NLGN1: variants seen among roughly 807,000 people sequenced by gnomAD.
NLGN1 encodes the protein neuroligin 1.
NLGN1 carries 12 observed loss-of-function variants against 65.5 expected under a neutral mutation model. That is an observed-to-expected ratio of 0.18 (90% confidence interval 0.12 to 0.30). NLGN1 has a LOEUF of 0.30. Ranked by LOEUF, NLGN1 falls within the 10% of genes least tolerant of loss-of-function variation. The pLI is 1.00. For synonymous variants in NLGN1, 350 were observed against 359.5 expected (o/e 0.97, Z 0.30); for missense variants, 750 against 1,007.1 (o/e 0.74, Z 3.46).
At chr3:174,140,248 C>A (rs1722036755) in intron 4 of NLGN1, among the ~76,000 whole-genome samples, 1 of 152,012 alleles carries the variant, frequency 6.6e-6, no homozygotes, top group Non-Finnish European at 1.5e-5. Context: ...TTGAATATTT[C>A]TAGAACAGTT....
chr3:174,045,455 T>A (rs990499016), intron 4 of NLGN1, among the ~76,000 whole-genome samples: 18 of 152,084 alleles, frequency 1.2e-4, no homozygotes, highest in African/African-American at 4.1e-4. Flanking sequence ...CCTCATGATC[T>A]CATCACTTCC....
chr3:173,519,813 G>T (rs1734464406), intron 2 of NLGN1, among the ~76,000 whole-genome samples: 1 of 151,910 alleles, frequency 6.6e-6, no homozygotes, highest in Admixed American at 6.6e-5. Context: ...CAAGACTTTT[G>T]GGGACTGTTG....
At chr3:173,895,943 G>A (rs937949230) in intron 4 of NLGN1, among the ~76,000 whole-genome samples, 5 of 152,112 alleles carry the variant, frequency 3.3e-5, no homozygotes, top group African/African-American at 1.2e-4. Context: ...GCCCACCTTG[G>A]CCTCCCAAAG....
intron 4 of NLGN1, among the ~76,000 whole-genome samples, chr3:173,856,217 C>A (rs1727930595): frequency 6.6e-6 from 1 of 152,060 alleles, no homozygotes; most frequent in South Asian, 2.1e-4. Context: ...ACTGTTGTTG[C>A]AACATGTTCA....
chr3:174,168,443 C>G (rs917310101), intron 4 of NLGN1, among the ~76,000 whole-genome samples: 7 of 152,004 alleles, frequency 4.6e-5, no homozygotes, highest in African/African-American at 1.7e-4. Context: ...TATTTTCCCC[C>G]TCCCTAGGAG....
intron 4 of NLGN1, among the ~76,000 whole-genome samples, chr3:174,033,382 T>C (rs1359078406): frequency 6.6e-6 from 1 of 152,176 alleles, no homozygotes; most frequent in African/African-American, 2.4e-5. Flanking sequence ...TTATTCAGTT[T>C]CTAGTACCTG....
intron 2 of NLGN1, chr3:173,584,787 A>AGGGGG (rs3830427): frequency 7.5e-5 from 11 of 147,548 alleles, no homozygotes; most frequent in African/African-American, 2.0e-4. Context: ...ATAAAAAAGG[A>AGGGGG]GGGGGGGGTG....
chr3:174,249,670 TG>T (rs1369259579), intron 4 of NLGN1, among the ~76,000 whole-genome samples: 1 of 152,198 alleles, frequency 6.6e-6, no homozygotes, highest in African/African-American at 2.4e-5. Flanking sequence ...TTGTAAAAAG[TG>T]AGTCCTATTC....
intron 2 of NLGN1, among the ~76,000 whole-genome samples, chr3:173,563,669 T>C (rs994265132): frequency 1.3e-5 from 2 of 152,120 alleles, no homozygotes; most frequent in African/African-American, 4.8e-5. Flanking sequence ...CTTAGAGTCA[T>C]TCTTGGGTCA....
rs578026343 is a variant in NLGN1 at position 173,844,203 on chromosome 3, A to G, written c.646+36371A>G. 2.6e-5 allele frequency among the ~76,000 whole-genome samples: 4 copies of G among 152,188 alleles called. No homozygotes were observed. The South Asian group carries it at 8.3e-4, about 32-fold the overall frequency. ...TCCCACGGGGTCCCTCCCACACCAC[A>G]TGGGGATTATGGGAGTTACAGTTCA... On this transcript the variant is annotated intron_variant, in intron 4 of 6. Transcript: ENST00000457714.
intron 4 of NLGN1, among the ~76,000 whole-genome samples, chr3:174,003,057 G>A (rs990826723): frequency 1.1e-4 from 17 of 152,096 alleles, no homozygotes; most frequent in African/African-American, 4.1e-4. Context: ...GGATGAGTGA[G>A]GCTGGGTGGC....
In NLGN1 at chr3:173,504,411, G is replaced by A. The variant is rs139319159; in HGVS notation, c.-321+69333G>A. 6.6e-4 allele frequency among the ~76,000 whole-genome samples: 101 copies of A among 152,048 alleles called. 1 individual carries two copies. Among genetic ancestry groups the A allele is most frequent in the Non-Finnish European group, 6.5e-4 (44 of 67,954 alleles). ...TTCAGAAATAGTGTTTTTAATCCCCGTATATTGAATTTACTTCAGATTTAC... is the reference window on the plus strand; with the variant it reads ...TTCAGAAATAGTGTTTTTAATCCCCATATATTGAATTTACTTCAGATTTAC... On this transcript the variant is annotated intron_variant, in intron 2 of 6. Coordinates refer to ENST00000457714, the Ensembl canonical transcript of NLGN1.
At chr3:173,610,698 T>C (rs1415343226) in intron 3 of NLGN1, among the ~76,000 whole-genome samples, 1 of 151,884 alleles carries the variant, frequency 6.6e-6, no homozygotes, top group Non-Finnish European at 1.5e-5. Flanking sequence ...GTAAGGAAAA[T>C]GTCTCCAAGT....
At chr3:173,920,578 A>C (rs762018930) in intron 4 of NLGN1, 8 of 152,116 alleles carry the variant, frequency 5.3e-5, no homozygotes, top group Non-Finnish European at 7.4e-5. Flanking sequence ...GTGAGAATGC[A>C]TATGAGTCAT....
chr3:173,969,439 A>T (rs1262999959), intron 4 of NLGN1, among the ~76,000 whole-genome samples: 1 of 152,186 alleles, frequency 6.6e-6, no homozygotes, highest in Non-Finnish European at 1.5e-5. Context: ...TTCATATATT[A>T]CCCATTCATA....
intron 1 of NLGN1, among the ~76,000 whole-genome samples, chr3:173,431,500 C>A (rs1409653157): frequency 6.6e-6 from 1 of 151,966 alleles, no homozygotes; most frequent in Non-Finnish European, 1.5e-5. Context: ...TATCTGTGAG[C>A]ATTTTTTCAA....
chr3:174,203,184 T>C (rs907617738), intron 4 of NLGN1, among the ~76,000 whole-genome samples: 2 of 152,134 alleles, frequency 1.3e-5, no homozygotes, highest in Admixed American at 6.6e-5. Flanking sequence ...TCAGCAGAAG[T>C]TCACTGATGC....
intron 4 of NLGN1, among the ~76,000 whole-genome samples, chr3:174,075,062 T>C (rs1436124123): frequency 6.6e-6 from 1 of 152,166 alleles, no homozygotes; most frequent in Admixed American, 6.6e-5. Context: ...AAACATCTCT[T>C]GGAGTGGCTA....
At chr3:173,579,404 G>A (rs528159951) in intron 2 of NLGN1, among the ~76,000 whole-genome samples, 9 of 152,344 alleles carry the variant, frequency 5.9e-5, no homozygotes, top group Non-Finnish European at 1.3e-4. Context: ...TGAGCCCGGG[G>A]AGTTTGAGGC....
Sources: gnomAD v4.1 joint callset for allele counts (sites outside exome capture counted in the v4.1 genomes callset) on GRCh38, gnomAD v4.1.1 for gene constraint, MANE v1.5 for transcripts, NCBI Gene and HGNC (gene_info 2026-07-23, HGNC 2026-07-21) for gene names.